The following SNX9 variants were observed in gnomAD, a reference collection of about 807,000 sequenced individuals.
The protein encoded by SNX9 is sorting nexin 9.
Under a neutral mutation model 89.4 loss-of-function variants are expected in SNX9, and 44 were observed. That is an observed-to-expected ratio of 0.49 (90% CI 0.39 to 0.63). The LOEUF is 0.63. Among genes scored for constraint, SNX9 ranks in the 30% least tolerant of loss-of-function variants. The pLI is 0.00. For missense variants in SNX9, 578 were observed against 736.1 expected, an observed-to-expected ratio of 0.79 and a Z score of 2.49; for synonymous variants, 236 against 247.8, an observed-to-expected ratio of 0.95 and a Z score of 0.45.
In SNX9 at chr6:157,912,405, A is replaced by G. The variant is rs572309969; in HGVS notation, c.949+2380A>G. ...TTCAGAGAGTCACGGTTCTCCTTCCATACTAAGATTTGTTTAAAAAAAAAT... is the reference window on the plus strand; with the variant it reads ...TTCAGAGAGTCACGGTTCTCCTTCCGTACTAAGATTTGTTTAAAAAAAAAT... On this transcript the variant is annotated intron_variant, in intron 9 of 17. Coordinates refer to ENST00000392185, the MANE Select transcript of SNX9 (RefSeq NM_016224.5). Among the ~76,000 whole-genome samples the G allele has an allele frequency of 8.7e-5, 13 of 149,802 alleles. No homozygotes were observed. The South Asian group carries it at 2.5e-3, about 29-fold the overall frequency.
chr6:157,844,528 T>C (rs1781761868), intron 1 of SNX9, among the ~76,000 whole-genome samples: 1 of 152,124 alleles, frequency 6.6e-6, no homozygotes, highest in African/African-American at 2.4e-5. Context: ...GATCAGAATC[T>C]TGTAGCCTCC....
At chr6:157,936,135 A>AGAGGGTACTTATTTG in intron 14 of SNX9, 95 bp downstream of exon 14, 2 of 847,714 alleles carry the variant, frequency 2.4e-6, no homozygotes, top group Non-Finnish European at 3.6e-6. Flanking sequence ...GTCCCAAATA[A>AGAGGGTACTTATTTG]GTACCCTCTT....
At chr6:157,832,441 G>C (rs896309959) in intron 1 of SNX9, among the ~76,000 whole-genome samples, 1 of 152,198 alleles carries the variant, frequency 6.6e-6, no homozygotes, top group Non-Finnish European at 1.5e-5. Flanking sequence ...CACAGTGCAG[G>C]CTCCTGGCAC....
intron 10 of SNX9, among the ~76,000 whole-genome samples, chr6:157,922,648 T>C (rs1783606264): frequency 6.6e-6 from 1 of 152,210 alleles, no homozygotes; most frequent in African/African-American, 2.4e-5. Context: ...TTATTTTCAG[T>C]TATTGACTAT....
chr6:157,874,906 T>A, intron 3 of SNX9, 145 bp from the exon 4 acceptor site: 1 of 755,644 alleles, frequency 1.3e-6, no homozygotes, highest in East Asian at 2.9e-5. Flanking sequence ...CATTAAAATA[T>A]GAGTATGCGG....
At chr6:157,864,905 G>A (rs1782223810) in intron 1 of SNX9, among the ~76,000 whole-genome samples, 1 of 152,198 alleles carries the variant, frequency 6.6e-6, no homozygotes, top group African/African-American at 2.4e-5. Context: ...GCGCATGCCT[G>A]TAATCCCAGC....
At chr6:157,880,548 G>A (rs1243936605) in intron 4 of SNX9, among the ~76,000 whole-genome samples, 1 of 152,108 alleles carries the variant, frequency 6.6e-6, no homozygotes, top group Admixed American at 6.5e-5. Flanking sequence ...CACAAAACTA[G>A]TTTCTCTTCC....
chr6:157,941,869 C>T (rs992210072), intron 17 of SNX9, among the ~76,000 whole-genome samples: 1 of 152,250 alleles, frequency 6.6e-6, no homozygotes, highest in African/African-American at 2.4e-5. Context: ...TAAGCCCTGT[C>T]CTCCCTTACA....
intron 1 of SNX9, among the ~76,000 whole-genome samples, chr6:157,865,451 C>T (rs1562598194): frequency 6.8e-6 from 1 of 147,640 alleles, no homozygotes; most frequent in Non-Finnish European, 1.5e-5. Context: ...TCATGACGCC[C>T]TGAGGGGAGC....
intron 4 of SNX9, among the ~76,000 whole-genome samples, chr6:157,875,685 C>A (rs1003971638): frequency 1.3e-5 from 2 of 152,116 alleles, no homozygotes; most frequent in African/African-American, 4.8e-5. Flanking sequence ...GTATTGCTTC[C>A]AGGAAACTTA....
intron 1 of SNX9, among the ~76,000 whole-genome samples, chr6:157,834,013 G>A (rs1289567303): frequency 6.6e-6 from 1 of 152,110 alleles, no homozygotes; most frequent in African/African-American, 2.4e-5. Flanking sequence ...TTTGTACTTA[G>A]AGGTAATGAG....
chr6:157,823,523 G>T lies in SNX9; in HGVS notation c.12+77G>T. On this transcript the variant is annotated intron_variant, in intron 1 of 17. Transcript: ENST00000392185. This position sits in a 1 kb window ranked among gnomAD's most constrained non-coding sequence, Gnocchi z 4.6. The stretch of plus-strand genomic sequence containing the variant: ...CGGAGAGGGTCGGGGCCGGGGCCGC[G>T]GGGAGGGTCGGGGCCAGGGGTGGTC... 8.9e-7 allele frequency: 1 copy of T among 1,127,154 alleles called. No homozygotes were observed. Among genetic ancestry groups the T allele is most frequent in the South Asian group, 4.4e-5 (1 of 22,780 alleles). The allele number at this position is 1,127,154 out of a possible 1,614,324, so 69.8% of individuals were successfully genotyped here.
chr6:157,905,279 CATGA>C (rs1783187059), intron 6 of SNX9, among the ~76,000 whole-genome samples: 1 of 152,194 alleles, frequency 6.6e-6, no homozygotes, highest in Non-Finnish European at 1.5e-5. Context: ...TGGCTTGGCA[CATGA>C]ATGAAAGTAG....
chr6:157,899,665 T>C (rs1333664929), intron 5 of SNX9, among the ~76,000 whole-genome samples: 1 of 151,930 alleles, frequency 6.6e-6, no homozygotes, highest in African/African-American at 2.4e-5. Context: ...TCCCAGCTAC[T>C]CGGGAAGCTG....
chr6:157,846,915 C>T (rs1412898938), intron 1 of SNX9, among the ~76,000 whole-genome samples: 1 of 152,034 alleles, frequency 6.6e-6, no homozygotes, highest in Non-Finnish European at 1.5e-5. Context: ...GGCATGGTGA[C>T]GTGTGCCTGC....
chr6:157,931,175 C>G (rs1462520944), intron 12 of SNX9, among the ~76,000 whole-genome samples: 1 of 152,192 alleles, frequency 6.6e-6, no homozygotes, highest in Non-Finnish European at 1.5e-5. Flanking sequence ...AGAATGAAAA[C>G]TCTAGCACAC....
intron 4 of SNX9, among the ~76,000 whole-genome samples, chr6:157,890,528 G>C (rs957444879): frequency 6.6e-6 from 1 of 152,216 alleles, no homozygotes; most frequent in African/African-American, 2.4e-5. Context: ...TGATTTAGCT[G>C]GGGTGGGAGT....
chr6:157,844,369 A>C (rs2115116109), intron 1 of SNX9, among the ~76,000 whole-genome samples: 1 of 151,958 alleles, frequency 6.6e-6, no homozygotes, highest in African/African-American at 2.4e-5. Context: ...AATCACAGGG[A>C]GTCAAAGCTG....
chr6:157,878,496 G>A (rs1033546885), intron 4 of SNX9, among the ~76,000 whole-genome samples: 2 of 148,778 alleles, frequency 1.3e-5, no homozygotes, highest in African/African-American at 5.0e-5. Context: ...GTGGCGTGAT[G>A]TCAGCTCACT....
Sources: allele counts gnomAD v4.1 joint callset (sites outside exome capture counted in the v4.1 genomes callset), GRCh38; gene constraint gnomAD v4.1.1; non-coding constraint Gnocchi (gnomAD v3.1); transcripts MANE v1.5; gene names NCBI Gene and HGNC (gene_info 2026-07-23, HGNC 2026-07-21).